NPFFR1: variants seen among roughly 807,000 people sequenced by gnomAD.
NPFFR1 encodes the protein G-protein coupled receptor 147.
Under a neutral mutation model 12.7 loss-of-function variants are expected in NPFFR1, and 17 were observed. The observed-to-expected ratio is 1.34, with a 90% CI of 0.92 to 2.01. The LOEUF is 2.01. Ranked by LOEUF, NPFFR1 falls within the 30% of genes most tolerant of loss-of-function variation. The pLI, the probability that NPFFR1 is intolerant of heterozygous loss-of-function variation, is 0.00. For synonymous variants in NPFFR1, 296 were observed against 264.5 expected, an observed-to-expected ratio of 1.12 and a Z score of -1.16; for missense variants, 604 against 606.5, an observed-to-expected ratio of 1.00 and a Z score of 0.04.
chr10:70,255,337 G>T lies in NPFFR1; in HGVS notation c.913C>A (p.Leu305Met). 6.3e-7 allele frequency: 1 copy of T among 1,575,930 alleles called. No homozygotes were observed. Among genetic ancestry groups the T allele is most frequent in the Non-Finnish European group, 8.6e-7 (1 of 1,165,118 alleles). ...AAGGGGAAGGCGTAGACGGTGACCA[G>T]GTGCAGCTGCGGCGCGCTGAGCTGC... ...YGQLSAPQLH[L>M]VTVYAFPFAH... Residue 305 changes from leucine to methionine, a missense_variant, in exon 4 of 4, where the codon CTG becomes ATG. Physicochemically the swap from Leu to Met is conservative, Grantham distance 15. Coordinates refer to ENST00000277942, the MANE Select transcript of NPFFR1 (RefSeq NM_022146.5). The surrounding 1 kb of genome is among the most constrained non-coding windows in gnomAD (Gnocchi z 4.2).
chr10:70,257,599 T>C (rs1268532859), intron 3 of NPFFR1, among the ~76,000 whole-genome samples: 1 of 152,206 alleles, frequency 6.6e-6, no homozygotes. Flanking sequence ...TATGGCCTCA[T>C]GGGATGAGAA....
At chr10:70,269,326 T>G (rs563505697) in intron 1 of NPFFR1, among the ~76,000 whole-genome samples, 1 of 151,844 alleles carries the variant, frequency 6.6e-6, no homozygotes, top group African/African-American at 2.4e-5. Flanking sequence ...TGGGTTAATT[T>G]AAGGTTATTT....
chr10:70,263,330 G>A (rs561288782), intron 2 of NPFFR1, among the ~76,000 whole-genome samples: 1 of 152,318 alleles, frequency 6.6e-6, no homozygotes, highest in South Asian at 2.1e-4. Context: ...CTGGAGTGCA[G>A]TGGCGTGATC....
intron 1 of NPFFR1, among the ~76,000 whole-genome samples, chr10:70,280,529 CT>C (rs1351214505): frequency 6.6e-6 from 1 of 152,102 alleles, no homozygotes; most frequent in Non-Finnish European, 1.5e-5. Context: ...TGTATGTCTT[CT>C]TTCGAGAAAT....
chr10:70,278,763 C>T (rs10823509), intron 1 of NPFFR1, among the ~76,000 whole-genome samples: 46,313 of 152,038 alleles, frequency 0.3, 8,194 homozygotes, highest in South Asian at 0.47. Context: ...AAGAGGAAAT[C>T]TGTAGGTTTA....
intron 3 of NPFFR1, among the ~76,000 whole-genome samples, chr10:70,256,609 C>G (rs1354728859): frequency 6.6e-6 from 1 of 152,198 alleles, no homozygotes; most frequent in African/African-American, 2.4e-5. Context: ...CAAGTCTGCA[C>G]CATTTATTTC....
intron 2 of NPFFR1, among the ~76,000 whole-genome samples, chr10:70,261,288 A>G (rs1358442805): frequency 6.6e-6 from 1 of 152,086 alleles, no homozygotes; most frequent in African/African-American, 2.4e-5. Flanking sequence ...TCTCCTGCTG[A>G]CTTGTGAAGA....
Position 70,284,001 on chromosome 10 carries a change from A to G in NPFFR1, c.-325T>C, listed in dbSNP as rs1421891224. ...GGCGCAGTCGTCATGGCACCCGCGC[A>G]CCTGTGCCCGCCGAGCGAGGGCGCC... On this transcript the variant is annotated 5_prime_UTR_variant, in exon 1 of 4. Coordinates refer to ENST00000277942, the MANE Select transcript of NPFFR1 (RefSeq NM_022146.5). Among the ~76,000 whole-genome samples the G allele has an allele frequency of 6.6e-6, 1 of 151,914 alleles. No homozygotes were observed. The highest frequency in any genetic ancestry group is 2.1e-4 in the South Asian group (1 of 4,822).
intron 1 of NPFFR1, among the ~76,000 whole-genome samples, chr10:70,272,211 G>GAAAA (rs10664195): frequency 3.6e-5 from 2 of 55,822 alleles, no homozygotes; most frequent in African/African-American, 1.6e-4. Context: ...AAGAAAGAAA[G>GAAAA]GAAAGAAAGA....
chr10:70,273,443 A>G (rs1388859042), intron 1 of NPFFR1, among the ~76,000 whole-genome samples: 1 of 152,158 alleles, frequency 6.6e-6, no homozygotes, highest in Non-Finnish European at 1.5e-5. Context: ...TATGCCAATC[A>G]ATGGTTCCTG....
chr10:70,282,016 C>T (rs1840867786), intron 1 of NPFFR1, among the ~76,000 whole-genome samples: 1 of 152,258 alleles, frequency 6.6e-6, no homozygotes, highest in Non-Finnish European at 1.5e-5. Flanking sequence ...ATTTATATTT[C>T]CCTTTTTTGA....
chr10:70,267,398 G>A (rs536224565), intron 1 of NPFFR1, among the ~76,000 whole-genome samples: 1 of 151,604 alleles, frequency 6.6e-6, no homozygotes, highest in African/African-American at 2.4e-5. Flanking sequence ...AAGTCATTAG[G>A]TATTAGCCTC....
intron 1 of NPFFR1, among the ~76,000 whole-genome samples, chr10:70,269,494 T>C (rs1840727935): frequency 6.6e-6 from 1 of 151,140 alleles, no homozygotes; most frequent in Admixed American, 6.6e-5. Context: ...CTAAGGATTA[T>C]TGCCTAGACT....
At chr10:70,269,306 G>A (rs533066857) in intron 1 of NPFFR1, among the ~76,000 whole-genome samples, 6 of 152,026 alleles carry the variant, frequency 3.9e-5, no homozygotes, top group East Asian at 3.9e-4. Context: ...ACAGCCGTGC[G>A]CCACCAAGCT....
chr10:70,248,094 TCA>T lies in NPFFR1; in HGVS notation c.*6861_*6862del, dbSNP rs562782966. On this transcript the variant is annotated 3_prime_UTR_variant, in exon 4 of 4. Transcript: ENST00000277942. Reference sequence around the variant, plus strand: ...AAGGCTCTTTCTTTTACTCTGAACCTCAGTTTCCCAGATGTAGGAAGGAGAGA... The same window carrying T: ...AAGGCTCTTTCTTTTACTCTGAACCTGTTTCCCAGATGTAGGAAGGAGAGA... The T allele has an allele frequency of 2.4e-4, 37 of 152,238 alleles. No individual in the cohort carries two copies. Among genetic ancestry groups the T allele is most frequent in the African/African-American group, 8.9e-4 (37 of 41,538 alleles). The allele number at this position is 152,238 out of a possible 1,614,324, so 9.4% of individuals were successfully genotyped here.
intron 1 of NPFFR1, 50 bp downstream of exon 1, chr10:70,283,620 G>C (rs747247885): frequency 3.5e-5 from 53 of 1,514,130 alleles, no homozygotes; most frequent in Non-Finnish European, 4.6e-5. Flanking sequence ...CCCATGCCCC[G>C]GAGTCGGTAC....
intron 1 of NPFFR1, among the ~76,000 whole-genome samples, chr10:70,273,394 T>C (rs949709200): frequency 1.4e-4 from 22 of 152,224 alleles, no homozygotes; most frequent in African/African-American, 5.3e-4. Flanking sequence ...TGATGCATTT[T>C]GGTTCCTTCA....
Position 70,272,572 on chromosome 10 carries a change from T to C in NPFFR1, c.8-6181A>G, listed in dbSNP as rs1308851439. ...TTCATTTGTAATCTAAGCAATGCAA[T>C]TTTGCTTTGATTGTTGGGTTAACCT... is the stretch of plus-strand genomic sequence containing the variant. On this transcript the variant is annotated intron_variant, in intron 1 of 3. Transcript: ENST00000277942. 2.0e-5 allele frequency among the ~76,000 whole-genome samples: 3 copies of C among 152,366 alleles called. No homozygotes were observed. In the East Asian group the frequency reaches 5.8e-4, roughly 29 times the overall value.
In NPFFR1 at chr10:70,272,251, G is replaced by GAGAGAAAGAAAGAAAGA. The variant is rs1554833506; in HGVS notation, c.8-5861_8-5860insTCTTTCTTTCTTTCTCT. The stretch of plus-strand genomic sequence containing the variant: ...AAGAAAGAAAGAAAGAAAGAAGAAA[G>GAGAGAAAGAAAGAAAGA]AAGAAAGAAAATAATAGAAAGAAAA... On this transcript the variant is annotated intron_variant, in intron 1 of 3. Coordinates refer to ENST00000277942, the MANE Select transcript of NPFFR1 (RefSeq NM_022146.5). Among the ~76,000 whole-genome samples the GAGAGAAAGAAAGAAAGA allele has an allele frequency of 9.5e-3, 430 of 45,342 alleles. 3 individuals carry two copies. Among genetic ancestry groups the GAGAGAAAGAAAGAAAGA allele is most frequent in the Middle Eastern group, 0.026 (3 of 116 alleles). The allele number at this position is 45,342 out of a possible 152,430, so 29.7% of individuals were successfully genotyped here.
Sources: allele counts gnomAD v4.1 joint callset (sites outside exome capture counted in the v4.1 genomes callset), GRCh38; gene constraint gnomAD v4.1.1; non-coding constraint Gnocchi (gnomAD v3.1); transcripts MANE v1.5; gene names NCBI Gene and HGNC (gene_info 2026-07-23, HGNC 2026-07-21).